The following GOLGB1 variants were observed in gnomAD, a reference collection of about 807,000 sequenced individuals.
GOLGB1 encodes golgin subfamily B member 1.
In GOLGB1, 174 loss-of-function variants were observed where a neutral mutation model predicts 336.9. The ratio of observed to expected loss-of-function variants is 0.52; its 90% CI spans 0.46 to 0.59. GOLGB1 has a LOEUF of 0.59. Ranked by LOEUF, GOLGB1 falls within the 20% of genes least tolerant of loss-of-function variation. The pLI, the probability that GOLGB1 is intolerant of heterozygous loss-of-function variation, is 0.00. For missense variants in GOLGB1, 3,331 were observed against 3,645.3 expected (o/e 0.91, Z 2.22); for synonymous variants, 1,208 against 1,289.2 (o/e 0.94, Z 1.35).
rs767728123 is a variant in GOLGB1 at position 121,691,649 on chromosome 3, T to C, written c.7715A>G (p.Asn2572Ser). 5.6e-6 allele frequency: 9 copies of C among 1,612,848 alleles called. No homozygotes were observed. Among genetic ancestry groups the C allele is most frequent in the African/African-American group, 1.3e-5 (1 of 74,784 alleles). ...VQLQQNKELENKYAKLEEKLK... is the reference protein window; with the variant it reads ...VQLQQNKELESKYAKLEEKLK... ...CTTTTCTTCTAATTTAGCATATTTATTTTCCAGCTCCTTATTTTGCTGAAG... is the reference window on the plus strand; with the variant it reads ...CTTTTCTTCTAATTTAGCATATTTACTTTCCAGCTCCTTATTTTGCTGAAG... Residue 2572 changes from asparagine (N) to serine (S), a missense_variant, in exon 14 of 22, where the codon AAT (asparagine) becomes AGT (serine). By Grantham distance (46) the Asn-to-Ser change is conservative. Coordinates refer to ENST00000614479, the MANE Select transcript of GOLGB1 (RefSeq NM_001366282.2).
intron 1 of GOLGB1, among the ~76,000 whole-genome samples, chr3:121,732,944 T>C (rs1946214403): frequency 6.6e-6 from 1 of 152,118 alleles, no homozygotes; most frequent in Admixed American, 6.5e-5. Context: ...ACTAGCAAAA[T>C]GATTGTCCAT....
chr3:121,737,836 A>T (rs548893415), intron 1 of GOLGB1, among the ~76,000 whole-genome samples: 13 of 152,292 alleles, frequency 8.5e-5, no homozygotes, highest in South Asian at 8.3e-4. Context: ...TGTCTTGGGT[A>T]ATCTAAGTAG....
chr3:121,743,347 C>T (rs1019089590), intron 1 of GOLGB1, among the ~76,000 whole-genome samples: 11 of 152,160 alleles, frequency 7.2e-5, no homozygotes, highest in Admixed American at 2.0e-4. Flanking sequence ...CCATCATTCT[C>T]GCCAAACTAT....
chr3:121,706,074 G>C (rs1452583256), intron 10 of GOLGB1, among the ~76,000 whole-genome samples: 1 of 151,518 alleles, frequency 6.6e-6, no homozygotes, highest in African/African-American at 2.4e-5. Flanking sequence ...GGAGGCAGAG[G>C]TTGCAGTGAG....
intron 14 of GOLGB1, among the ~76,000 whole-genome samples, chr3:121,686,515 TATAG>T (rs1197754233): frequency 6.6e-6 from 1 of 152,026 alleles, no homozygotes; most frequent in Non-Finnish European, 1.5e-5. Flanking sequence ...ATGAGGAGAG[TATAG>T]ATAAATACAG....
Position 121,697,272 on chromosome 3 carries a change from T to A in GOLGB1, c.3251A>T (p.Asp1084Val), listed in dbSNP as rs1943029851. ...KEVELQHIRK[D>V]LEEKLAAEEQ... ...TTCAGCTGCCAGCTTTTCTTCCAAA[T>A]CCTTCCTTATATGCTGTAGTTCCAC... is the stretch of plus-strand genomic sequence containing the variant. Residue 1084 changes from aspartate to valine, a missense_variant, in exon 13 of 22, where the codon GAT becomes GTT. By Grantham distance (152) the Asp-to-Val change is radical (BLOSUM62 -3). Transcript: ENST00000614479. 6.2e-7 allele frequency: 1 copy of A among 1,614,114 alleles called. No individual in the cohort carries two copies. The highest frequency in any genetic ancestry group is 2.2e-5 in the East Asian group (1 of 44,878).
At chr3:121,738,981 G>T (rs1223666286) in intron 1 of GOLGB1, among the ~76,000 whole-genome samples, 1 of 152,134 alleles carries the variant, frequency 6.6e-6, no homozygotes, top group Non-Finnish European at 1.5e-5. Flanking sequence ...GAACTACTGA[G>T]GCCAGGCGTG....
chr3:121,715,554 GA>G (rs1944697835), intron 9 of GOLGB1, among the ~76,000 whole-genome samples: 1 of 151,718 alleles, frequency 6.6e-6, no homozygotes, highest in African/African-American at 2.4e-5. Context: ...TTTCCCCCTT[GA>G]AAATGGCTTT....
intron 12 of GOLGB1, 42 bp downstream of exon 12, chr3:121,699,770 A>C: frequency 8.4e-7 from 1 of 1,184,566 alleles, no homozygotes; most frequent in Non-Finnish European, 1.2e-6. Flanking sequence ...CCTTCTCTTA[A>C]TCTAGCTCAT....
In GOLGB1 at chr3:121,691,185, C is replaced by T. The variant is rs1942385291; in HGVS notation, c.8179G>A (p.Val2727Ile). 3 of 1,613,388 alleles carry T rather than the reference C, an allele frequency of 1.9e-6. No individual in the cohort carries two copies. Among genetic ancestry groups the T allele is most frequent in the South Asian group, 1.1e-5 (1 of 90,922 alleles). ...LVEMEQKLLMVTKENKGLTAQ... is the reference protein window; with the variant it reads ...LVEMEQKLLMITKENKGLTAQ... Reference sequence around the variant, plus strand: ...GTGAGACCTTTATTTTCTTTGGTGACCATGAGTAATTTCTGTTCCATCTCC... The same window carrying T: ...GTGAGACCTTTATTTTCTTTGGTGATCATGAGTAATTTCTGTTCCATCTCC... The change falls in exon 14 of 22, where the codon GTC becomes ATC. Residue 2727 changes from valine to isoleucine, a missense_variant. Val to Ile is a conservative substitution (Grantham distance 29, BLOSUM62 3). Coordinates refer to ENST00000614479, the MANE Select transcript of GOLGB1 (RefSeq NM_001366282.2).
chr3:121,684,273 CAAA>C (rs201975409), intron 14 of GOLGB1, among the ~76,000 whole-genome samples: 1 of 88,142 alleles, frequency 1.1e-5, no homozygotes, highest in Non-Finnish European at 2.4e-5. Context: ...AGAAATACAG[CAAA>C]AAAAAAAAAA....
rs573360903 is a variant in GOLGB1, at chr3:121,722,867, T to C, written c.532-489A>G. On this transcript the variant is annotated intron_variant, in intron 5 of 21. Coordinates refer to ENST00000614479, the MANE Select transcript of GOLGB1 (RefSeq NM_001366282.2). ...GAACAGCTGGCCAATTTTAGAATAG[T>C]GGCAGGGCTTTGCCATTCTTTAATA... 5.9e-5 allele frequency among the ~76,000 whole-genome samples: 9 copies of C among 152,320 alleles called. No homozygotes were observed. The South Asian group carries it at 1.9e-3, about 32-fold the overall frequency.
At chr3:121,723,218 T>G (rs944079855) in intron 5 of GOLGB1, among the ~76,000 whole-genome samples, 2 of 152,234 alleles carry the variant, frequency 1.3e-5, no homozygotes, top group African/African-American at 4.8e-5. Context: ...AAATATAGAT[T>G]ATTTTTCCAT....
intron 1 of GOLGB1, among the ~76,000 whole-genome samples, chr3:121,741,516 G>C (rs1357520913): frequency 6.6e-6 from 1 of 152,212 alleles, no homozygotes; most frequent in Non-Finnish European, 1.5e-5. Context: ...TAAAGTGGTT[G>C]TGGTGGTGAT....
Position 121,692,291 on chromosome 3 carries a change from T to C in GOLGB1, c.7073A>G (p.Lys2358Arg), listed in dbSNP as rs1243719182. ...RQQEADIQNS[K>R]FSYEQLETDL... ...AGTCTCCAGTTGTTCATAACTGAAC[T>C]TAGAATTTTGAATATCAGCCTCTTG... The change falls in exon 14 of 22, where the codon AAG (lysine) becomes AGG (arginine). Residue 2358 changes from lysine to arginine, a missense_variant. Transcript: ENST00000614479. 6.2e-7 allele frequency: 1 copy of C among 1,611,622 alleles called. No individual in the cohort carries two copies. Among genetic ancestry groups the C allele is most frequent in the Non-Finnish European group, 8.5e-7 (1 of 1,179,378 alleles).
chr3:121,702,523 G>A lies in GOLGB1; in HGVS notation c.1477C>T (p.Leu493Phe), dbSNP rs1187423473. Residue 493 changes from leucine (L) to phenylalanine (F), a missense_variant, in exon 11 of 22, where the codon CTC becomes TTC. Coordinates refer to ENST00000614479, the MANE Select transcript of GOLGB1 (RefSeq NM_001366282.2). ...VELENEKGAL[L>F]LSSIELEELK... is the part of the protein sequence containing the mutation. ...TCCTCCAGCTCTATAGAACTAAGGAGCAAGGCTCCCTTTTCATTCTCTAGT... is the reference window on the plus strand; with the variant it reads ...TCCTCCAGCTCTATAGAACTAAGGAACAAGGCTCCCTTTTCATTCTCTAGT... 6.5e-7 allele frequency: 1 copy of A among 1,549,366 alleles called. No homozygotes were observed. Among genetic ancestry groups the A allele is most frequent in the South Asian group, 1.2e-5 (1 of 81,440 alleles).
At chr3:121,677,875 C>A (rs1940612359) in intron 15 of GOLGB1, among the ~76,000 whole-genome samples, 1 of 152,136 alleles carries the variant, frequency 6.6e-6, no homozygotes, top group South Asian at 2.1e-4. Flanking sequence ...CGGTACCAAT[C>A]ACCTTTGGAG....
intron 14 of GOLGB1, among the ~76,000 whole-genome samples, chr3:121,684,575 C>G (rs1941521143): frequency 6.6e-6 from 1 of 151,962 alleles, no homozygotes; most frequent in Non-Finnish European, 1.5e-5. Flanking sequence ...AGATCACATA[C>G]AAAGGATCAG....
chr3:121,664,456 T>C lies in GOLGB1; in HGVS notation c.*24A>G, dbSNP rs2107503587. 6.2e-7 allele frequency: 1 copy of C among 1,603,202 alleles called. No homozygotes were observed. The highest frequency in any genetic ancestry group is 1.1e-5 in the South Asian group (1 of 90,864). ...AGAGAATTCCAAGTTTTGAGGGGAG[T>C]GGTCCAAAGAGTAACAACTAAGTCT... On this transcript the variant is annotated 3_prime_UTR_variant, in exon 22 of 22. Coordinates refer to ENST00000614479, the MANE Select transcript of GOLGB1 (RefSeq NM_001366282.2).
Sources: allele counts gnomAD v4.1 joint callset (sites outside exome capture counted in the v4.1 genomes callset), GRCh38; gene constraint gnomAD v4.1.1; transcripts MANE v1.5; gene names NCBI Gene and HGNC (gene_info 2026-07-23, HGNC 2026-07-21).